The following NOC3L variants were observed in gnomAD, a reference collection of about 807,000 sequenced individuals.
NOC3L encodes nucleolar complex protein 3 homolog.
NOC3L carries 85 observed loss-of-function variants against 102.5 expected under a neutral mutation model. The observed-to-expected ratio is 0.83, with a 90% confidence interval of 0.70 to 0.99. NOC3L has a LOEUF of 0.99. Ranked by LOEUF, NOC3L falls within the 50% of genes least tolerant of loss-of-function variation. The pLI is 0.00. For missense variants in NOC3L, 878 were observed against 914.9 expected (o/e 0.96, Z 0.52); for synonymous variants, 303 against 309.4 (o/e 0.98, Z 0.22).
chr10:94,337,483 G>C (rs1018360500), intron 19 of NOC3L, among the ~76,000 whole-genome samples: 1 of 152,108 alleles, frequency 6.6e-6, no homozygotes, highest in Non-Finnish European at 1.5e-5. Context: ...GTGATGGGGG[G>C]CATATGGACA....
In NOC3L at chr10:94,352,906, T is replaced by A; in HGVS notation, c.848A>T (p.Lys283Ile). 6.2e-7 allele frequency: 1 copy of A among 1,612,626 alleles called. No homozygotes were observed. The highest frequency in any genetic ancestry group is 8.5e-7 in the Non-Finnish European group (1 of 1,178,992). The change falls in exon 7 of 21, where the codon AAA becomes ATA. Residue 283 changes from lysine to isoleucine, a missense_variant. Lys to Ile is a moderately radical substitution (Grantham distance 102, BLOSUM62 -3). Coordinates refer to ENST00000371361, the MANE Select transcript of NOC3L (RefSeq NM_022451.11). Reference protein sequence around the residue: ...YKIRPLTEAEKSTKTRKETQK... With the variant: ...YKIRPLTEAEISTKTRKETQK... Reference sequence around the variant, plus strand: ...GCAATCTAGCATTACCTTAGTAGATTTTTCTGCTTCTGTGAGGGGCCGGAT... The same window carrying A: ...GCAATCTAGCATTACCTTAGTAGATATTTCTGCTTCTGTGAGGGGCCGGAT...
At chr10:94,320,365 C>CA in the NOC3L span, among the ~76,000 whole-genome samples, 21 of 151,706 alleles carry the variant, frequency 1.4e-4, no homozygotes, top group African/African-American at 4.9e-4. Flanking sequence ...ATTTATTTAA[C>CA]AAAAAATCAT....
At chr10:94,327,076 C>T in the NOC3L span, among the ~76,000 whole-genome samples, 30 of 151,302 alleles carry the variant, frequency 2.0e-4, no homozygotes, top group Non-Finnish European at 3.8e-4. Flanking sequence ...GCAGGAGAAT[C>T]GCTTGAACCC....
At chr10:94,336,506 C>T (rs1222916957) in intron 19 of NOC3L, among the ~76,000 whole-genome samples, 4 of 151,904 alleles carry the variant, frequency 2.6e-5, no homozygotes, top group Admixed American at 2.0e-4. Context: ...CACCACCACG[C>T]CTGGCTAATT....
At chr10:94,339,563 T>C (rs973562131) in intron 17 of NOC3L, among the ~76,000 whole-genome samples, 176 bp downstream of exon 17, 1 of 152,316 alleles carries the variant, frequency 6.6e-6, no homozygotes, top group African/African-American at 2.4e-5. Flanking sequence ...GAAGTGTCAA[T>C]AGGTATAAAA....
intron 2 of NOC3L, among the ~76,000 whole-genome samples, chr10:94,360,188 C>T (rs538979653): frequency 3.3e-5 from 5 of 152,142 alleles, no homozygotes; most frequent in East Asian, 3.9e-4. Context: ...TGGTGGTGTG[C>T]GCCTGTAATC....
chr10:94,346,563 T>C lies in NOC3L; in HGVS notation c.1258-7A>G. On this transcript the variant is annotated splice_region_variant and splice_polypyrimidine_tract_variant and intron_variant, in intron 10 of 20. Transcript: ENST00000371361. Reference sequence around the variant, plus strand: ...ATAAAAATGTTTTTAACATCTAATATTGGAAAAAAAACACAAATATACAGC... The same window carrying C: ...ATAAAAATGTTTTTAACATCTAATACTGGAAAAAAAACACAAATATACAGC... 7.4e-7 allele frequency: 1 copy of C among 1,343,002 alleles called. No homozygotes were observed. Among genetic ancestry groups the C allele is most frequent in the Non-Finnish European group, 1.0e-6 (1 of 1,002,848 alleles). The allele number at this position is 1,343,002 out of a possible 1,614,324, so 83.2% of individuals were successfully genotyped here.
rs2054410287 is a variant in NOC3L, at chr10:94,351,058, G to T, written c.953-770C>A. On this transcript the variant is annotated intron_variant, in intron 8 of 20. Transcript: ENST00000371361. ...TGCATTTTTTTTAAATGACATATGTGGCTCATGTTATAGTTCTATCAGACA... is the reference window on the plus strand; with the variant it reads ...TGCATTTTTTTTAAATGACATATGTTGCTCATGTTATAGTTCTATCAGACA... 2.6e-5 allele frequency among the ~76,000 whole-genome samples: 4 copies of T among 151,710 alleles called. No individual in the cohort carries two copies. The South Asian group carries it at 6.3e-4, about 24-fold the overall frequency.
At chr10:94,324,642 G>A in the NOC3L span, 1 of 1,279,664 alleles carries the variant, frequency 7.8e-7, no homozygotes, top group South Asian at 1.2e-5. Context: ...AGATCTGGAA[G>A]CTGGTGAAAT....
At chr10:94,319,862 CTCT>C in the NOC3L span, among the ~76,000 whole-genome samples, 25 of 86,224 alleles carry the variant, frequency 2.9e-4, no homozygotes, top group South Asian at 1.7e-3. Flanking sequence ...CTCAAAGGTG[CTCT>C]TTTTTTTTTT....
chr10:94,349,123 G>GTTCC, intron 10 of NOC3L, 127 bp downstream of exon 10: 1 of 1,003,874 alleles, frequency 1.0e-6, no homozygotes. Flanking sequence ...GAGTTGACAT[G>GTTCC]TTAAACACTT....
chr10:94,349,160 T>TA, intron 10 of NOC3L, 90 bp downstream of exon 10: 6 of 1,410,826 alleles, frequency 4.3e-6, no homozygotes, highest in Non-Finnish European at 4.8e-6. Context: ...TTTTACTTCA[T>TA]ACACTTATAA....
chr10:94,334,059 T>C lies in NOC3L; in HGVS notation c.*118A>G, dbSNP rs1221785037. 6.6e-6 allele frequency: 4 copies of C among 607,024 alleles called. No individual in the cohort carries two copies. Among genetic ancestry groups the C allele is most frequent in the African/African-American group, 3.7e-5 (2 of 53,660 alleles). 37.6% of individuals were successfully genotyped at this position (607,024 alleles called of 1,614,324 possible). A position where few individuals can be genotyped will look rare whatever the true frequency, so the allele number is the denominator to read the frequency against. ...AAAGGGTCATTCTTCCTCTTCTTCCTAGACATTCTTAGGAAGCTTTCCTTG... is the reference window on the plus strand; with the variant it reads ...AAAGGGTCATTCTTCCTCTTCTTCCCAGACATTCTTAGGAAGCTTTCCTTG... On this transcript the variant is annotated 3_prime_UTR_variant, in exon 21 of 21. Transcript: ENST00000371361.
chr10:94,348,390 C>A (rs1051741105), intron 10 of NOC3L, among the ~76,000 whole-genome samples: 1 of 151,906 alleles, frequency 6.6e-6, no homozygotes, highest in Non-Finnish European at 1.5e-5. Flanking sequence ...CAATCTGCAA[C>A]CTATGTAACA....
intron 10 of NOC3L, among the ~76,000 whole-genome samples, chr10:94,348,079 A>T (rs891659323): frequency 6.6e-6 from 1 of 150,776 alleles, no homozygotes; most frequent in Non-Finnish European, 1.5e-5. Context: ...CAGAAAAAAA[A>T]TGGTGATGAA....
intron 10 of NOC3L, among the ~76,000 whole-genome samples, chr10:94,347,849 T>A (rs1309342468): frequency 6.6e-6 from 1 of 152,046 alleles, no homozygotes; most frequent in Non-Finnish European, 1.5e-5. Flanking sequence ...ATACATTGAA[T>A]CGATTCTAAT....
Position 94,349,230 on chromosome 10 carries a change from G to GT in NOC3L, c.1257+19dup, listed in dbSNP as rs1177144846. 9 of 1,550,208 alleles carry GT rather than the reference G, an allele frequency of 5.8e-6. No individual in the cohort carries two copies. Among genetic ancestry groups the GT allele is most frequent in the Non-Finnish European group, 7.8e-6 (9 of 1,157,818 alleles). ...TTGTAATTTAAAAACAAAATGCAAA[G>GT]TAAAAAAAAAAAGGCTCACCTCTGG... is the stretch of plus-strand genomic sequence containing the variant. On this transcript the variant is annotated intron_variant, in intron 10 of 20. Coordinates refer to ENST00000371361, the MANE Select transcript of NOC3L (RefSeq NM_022451.11).
chr10:94,356,420 G>C (rs567048673), intron 5 of NOC3L, 115 bp downstream of exon 5: 13 of 683,076 alleles, frequency 1.9e-5, no homozygotes, highest in African/African-American at 1.3e-4. Flanking sequence ...AAGTGACCTT[G>C]AAATGAGCAG....
rs72814643 is a variant in NOC3L at position 94,340,513 on chromosome 10, G to C, written c.1645-17C>G. On this transcript the variant is annotated splice_polypyrimidine_tract_variant and intron_variant, in intron 14 of 20. Coordinates refer to ENST00000371361, the MANE Select transcript of NOC3L (RefSeq NM_022451.11). The stretch of plus-strand genomic sequence containing the variant: ...GCTTAGGTCCTTTAAAAAAAAAAGG[G>C]GGGGGTGAGGGGGATGGAATATTAA... The C allele has an allele frequency of 0.022, 29,403 of 1,313,390 alleles. 691 individuals are homozygous for C. The highest frequency in any genetic ancestry group is 0.027 in the Non-Finnish European group (25,859 of 947,620). 81.4% of individuals were successfully genotyped at this position (1,313,390 alleles called of 1,614,324 possible).
Sources: allele counts gnomAD v4.1 joint callset (sites outside exome capture counted in the v4.1 genomes callset), GRCh38; gene constraint gnomAD v4.1.1; transcripts MANE v1.5; gene names NCBI Gene and HGNC (gene_info 2026-07-23, HGNC 2026-07-21).